Variants in TTC28 observed in about 807,000 individuals in gnomAD.
TTC28 encodes tetratricopeptide repeat protein 28.
A neutral mutation model predicts 198.0 loss-of-function variants in TTC28; 61 were observed. The observed-to-expected ratio is 0.31, with a 90% CI of 0.25 to 0.38. The LOEUF is 0.38. Ranked by LOEUF, TTC28 falls within the 10% of genes least tolerant of loss-of-function variation. The pLI is 1.00. For synonymous variants in TTC28, 1,171 were observed against 1,297.8 expected (o/e 0.90, Z 2.10); for missense variants, 2,678 against 3,164.0 (o/e 0.85, Z 3.69).
chr22:28,363,335 G>T (rs2046188310), intron 2 of TTC28, among the ~76,000 whole-genome samples: 1 of 152,232 alleles, frequency 6.6e-6, no homozygotes, highest in Non-Finnish European at 1.5e-5. Context: ...TGTTGAGCCT[G>T]CAGGTGCACA....
chr22:28,248,272 T>C (rs1283261718), intron 5 of TTC28, among the ~76,000 whole-genome samples: 2 of 152,170 alleles, frequency 1.3e-5, no homozygotes, highest in Non-Finnish European at 2.9e-5. Context: ...TTAGAGCCCC[T>C]ATCTATCTCC....
At position 28,283,282 on chromosome 22, in the gene TTC28, T is replaced by C. The variant is rs574126171; in HGVS notation, c.933+12916A>G. Among the ~76,000 whole-genome samples the C allele has an allele frequency of 2.6e-5, 4 of 152,184 alleles. No individual in the cohort carries two copies. The East Asian group carries it at 7.7e-4, about 29-fold the overall frequency. On this transcript the variant is annotated intron_variant, in intron 5 of 22. Coordinates refer to ENST00000397906, the MANE Select transcript of TTC28 (RefSeq NM_001145418.2). The stretch of plus-strand genomic sequence containing the variant: ...TACCTTTTAACCCACTCTCCTGTAC[T>C]ATTAGAAGTAAAATAATTACCTCAA...
At chr22:28,671,387 G>A (rs1012236263) in intron 1 of TTC28, among the ~76,000 whole-genome samples, 1 of 151,964 alleles carries the variant, frequency 6.6e-6, no homozygotes, top group Non-Finnish European at 1.5e-5. Context: ...TGTAATCCCA[G>A]CACTTTGGGA....
chr22:28,652,017 T>C (rs998438969), intron 1 of TTC28, among the ~76,000 whole-genome samples: 5 of 151,848 alleles, frequency 3.3e-5, no homozygotes, highest in African/African-American at 1.2e-4. Flanking sequence ...TTTTTGTATT[T>C]TTAGTAGAGA....
intron 2 of TTC28, 145 bp from the exon 3 acceptor site, chr22:28,306,788 A>T (rs1156341529): frequency 1.2e-6 from 1 of 838,372 alleles, no homozygotes; most frequent in Non-Finnish European, 1.8e-6. Flanking sequence ...AATGAAATGA[A>T]CTAACTTCTA....
intron 2 of TTC28, among the ~76,000 whole-genome samples, chr22:28,617,755 T>C (rs2146173698): frequency 6.6e-6 from 1 of 152,270 alleles, no homozygotes; most frequent in Non-Finnish European, 1.5e-5. Context: ...ACAACTGCCA[T>C]GCAAAGAACC....
At chr22:28,370,960 T>C (rs1423715223) in intron 2 of TTC28, among the ~76,000 whole-genome samples, 2 of 152,144 alleles carry the variant, frequency 1.3e-5, no homozygotes, top group Non-Finnish European at 2.9e-5. Context: ...ACTTTAAAGT[T>C]TGAGAAGCAC....
At chr22:28,652,747 C>T (rs955619093) in intron 1 of TTC28, among the ~76,000 whole-genome samples, 1 of 152,144 alleles carries the variant, frequency 6.6e-6, no homozygotes, top group African/African-American at 2.4e-5. Context: ...CAGGTACTCC[C>T]TGAACCTGTT....
intron 20 of TTC28, 56 bp downstream of exon 20, chr22:27,990,733 G>T: frequency 6.6e-7 from 1 of 1,523,104 alleles, no homozygotes; most frequent in Non-Finnish European, 8.9e-7. Flanking sequence ...GGAACTCGGG[G>T]GTGGGTGGGT....
At chr22:28,142,545 T>C (rs1009311714) in intron 6 of TTC28, among the ~76,000 whole-genome samples, 1 of 152,200 alleles carries the variant, frequency 6.6e-6, no homozygotes, top group East Asian at 1.9e-4. Flanking sequence ...GTGGAATCCA[T>C]TGCTGTCACA....
At chr22:28,448,448 T>C (rs2047732888) in intron 2 of TTC28, among the ~76,000 whole-genome samples, 1 of 152,200 alleles carries the variant, frequency 6.6e-6, no homozygotes, top group Non-Finnish European at 1.5e-5. Flanking sequence ...GTTTTAGGCG[T>C]AGAAATTTGA....
At chr22:28,357,323 T>A (rs1282071809) in intron 2 of TTC28, among the ~76,000 whole-genome samples, 2 of 147,356 alleles carry the variant, frequency 1.4e-5, no homozygotes, top group African/African-American at 2.5e-5. Flanking sequence ...TTATTTTTTT[T>A]TTTTTTTTTT....
At chr22:28,319,919 C>A (rs189707676) in intron 2 of TTC28, among the ~76,000 whole-genome samples, 42 of 152,220 alleles carry the variant, frequency 2.8e-4, no homozygotes, top group African/African-American at 8.7e-4. Flanking sequence ...TCATAGACTG[C>A]TTTCTGGAAG....
At chr22:28,002,169 GTGTGC>G (rs1275176229) in intron 14 of TTC28, 1 of 155,094 alleles carries the variant, frequency 6.4e-6, no homozygotes, top group African/African-American at 2.4e-5. Flanking sequence ...TCGAGGCAGG[GTGTGC>G]ACAGGGCCAC....
At chr22:28,461,594 G>A (rs944523107) in intron 2 of TTC28, among the ~76,000 whole-genome samples, 1 of 152,014 alleles carries the variant, frequency 6.6e-6, no homozygotes, top group Non-Finnish European at 1.5e-5. Flanking sequence ...CTACCACCAG[G>A]CCCAGCTAAT....
chr22:28,017,238 C>T (rs922136799), intron 13 of TTC28, among the ~76,000 whole-genome samples: 76 of 152,210 alleles, frequency 5.0e-4, no homozygotes, highest in African/African-American at 1.7e-3. Context: ...GTGCTAACGG[C>T]GGTGGCATCT....
chr22:28,401,190 G>A (rs986455935), intron 2 of TTC28, among the ~76,000 whole-genome samples: 64 of 150,868 alleles, frequency 4.2e-4, no homozygotes, highest in African/African-American at 1.5e-3. Flanking sequence ...GAAAAGGAGG[G>A]GGGGAGGAGG....
chr22:28,346,935 G>A (rs2045911360), intron 2 of TTC28, among the ~76,000 whole-genome samples: 1 of 152,148 alleles, frequency 6.6e-6, no homozygotes, highest in African/African-American at 2.4e-5. Flanking sequence ...TATTCAGTGA[G>A]GAGATCAGGG....
chr22:28,326,533 AT>A (rs968523246), intron 2 of TTC28, among the ~76,000 whole-genome samples: 2 of 152,120 alleles, frequency 1.3e-5, no homozygotes, highest in African/African-American at 4.8e-5. Flanking sequence ...CATTATATGT[AT>A]TTTTTCACAG....
Sources: gnomAD v4.1 joint callset for allele counts (sites outside exome capture counted in the v4.1 genomes callset) on GRCh38, gnomAD v4.1.1 for gene constraint, MANE v1.5 for transcripts, NCBI Gene and HGNC (gene_info 2026-07-23, HGNC 2026-07-21) for gene names.